Variants in MAP4K4 observed in about 807,000 individuals in gnomAD.
MAP4K4 encodes HPK/GCK-like kinase HGK.
In MAP4K4, 38 loss-of-function variants were observed where a neutral mutation model predicts 189.6. The ratio of observed to expected loss-of-function variants is 0.20; its 90% CI spans 0.15 to 0.26. The LOEUF (loss-of-function observed/expected upper bound fraction) is 0.26, where lower values mean the gene tolerates loss of function less well. Among genes scored for constraint, MAP4K4 ranks in the 10% least tolerant of loss-of-function variants. The pLI is 1.00. For synonymous variants in MAP4K4, 610 were observed against 624.3 expected, an observed-to-expected ratio of 0.98 and a Z score of 0.34; for missense variants, 1,054 against 1,726.9, an observed-to-expected ratio of 0.61 and a Z score of 6.91.
chr2:101,870,390 A>T (rs1333198693), exon 23 of MAP4K4: 5 of 1,613,610 alleles, frequency 3.1e-6, no homozygotes, highest in Non-Finnish European at 3.4e-6. Context: ...ACCCCATCCA[A>T]GGAGGGCACT....
intron 3 of MAP4K4, among the ~76,000 whole-genome samples, chr2:101,818,295 TC>T (rs2095841258): frequency 6.6e-6 from 1 of 152,224 alleles, no homozygotes; most frequent in African/African-American, 2.4e-5. Context: ...GCCGAAGTCT[TC>T]CAGAGATATT....
intron 32 of MAP4K4, 127 bp from the exon 33 acceptor site, chr2:101,891,039 A>G (rs2098558133): frequency 1.4e-6 from 1 of 724,154 alleles, no homozygotes; most frequent in Middle Eastern, 3.8e-4. Context: ...GTTTCTTTTG[A>G]AAAGGCTCTT....
chr2:101,762,801 C>G (rs1339839692), intron 2 of MAP4K4, among the ~76,000 whole-genome samples: 1 of 152,172 alleles, frequency 6.6e-6, no homozygotes, highest in Non-Finnish European at 1.5e-5. Flanking sequence ...CTTTTCAGTG[C>G]TTGGCTCTCC....
intron 2 of MAP4K4, among the ~76,000 whole-genome samples, chr2:101,746,085 G>A (rs1456093567): frequency 6.6e-6 from 1 of 151,428 alleles, no homozygotes; most frequent in East Asian, 1.9e-4. Context: ...TGAACTCCAG[G>A]GCTCAAGTGA....
At chr2:101,747,522 T>C (rs2066275629) in intron 2 of MAP4K4, among the ~76,000 whole-genome samples, 1 of 151,958 alleles carries the variant, frequency 6.6e-6, no homozygotes. Context: ...TTTTCAAGGG[T>C]GGAGTAATTA....
At chr2:101,782,334 A>G (rs1330972372) in intron 2 of MAP4K4, among the ~76,000 whole-genome samples, 1 of 152,222 alleles carries the variant, frequency 6.6e-6, no homozygotes, top group South Asian at 2.1e-4. Flanking sequence ...CAATTGAGGT[A>G]TAATTTTCTT....
chr2:101,824,620 T>C (rs2096271026), intron 4 of MAP4K4, among the ~76,000 whole-genome samples: 1 of 152,226 alleles, frequency 6.6e-6, no homozygotes, highest in African/African-American at 2.4e-5. Flanking sequence ...TTTAAACTTA[T>C]AAAGCAGGAA....
At chr2:101,717,194 T>G (rs2048871617) in intron 2 of MAP4K4, among the ~76,000 whole-genome samples, 1 of 152,202 alleles carries the variant, frequency 6.6e-6, no homozygotes, top group Non-Finnish European at 1.5e-5. Flanking sequence ...CCTGCTTTTC[T>G]TAGCTCAACA....
chr2:101,891,130 A>G lies in MAP4K4; in HGVS notation c.4072-36A>G, dbSNP rs777954829. ...CCCTGGCTGGAAGTGCTTCATGACCATGGTAACCATTCCCTCTCTTTTCTT... is the reference window on the plus strand; with the variant it reads ...CCCTGGCTGGAAGTGCTTCATGACCGTGGTAACCATTCCCTCTCTTTTCTT... On this transcript the variant is annotated intron_variant, in intron 32 of 32. Coordinates refer to ENST00000324219, the Ensembl canonical transcript of MAP4K4. 7 of 1,543,636 alleles carry G rather than the reference A, an allele frequency of 4.5e-6. No homozygotes were observed. The South Asian group carries it at 5.6e-5, about 12-fold the overall frequency.
At chr2:101,720,491 G>A (rs368978138) in intron 2 of MAP4K4, among the ~76,000 whole-genome samples, 3 of 152,182 alleles carry the variant, frequency 2.0e-5, no homozygotes, top group Admixed American at 6.5e-5. Flanking sequence ...CATCTCCCTC[G>A]TTTTTCCTGG....
intron 2 of MAP4K4, among the ~76,000 whole-genome samples, chr2:101,732,183 A>G (rs1245134580): frequency 6.6e-6 from 1 of 152,134 alleles, no homozygotes; most frequent in East Asian, 1.9e-4. Flanking sequence ...CTGGTGTGTA[A>G]TTTACCATGG....
intron 12 of MAP4K4, among the ~76,000 whole-genome samples, chr2:101,850,865 G>A (rs541468038): frequency 7.8e-4 from 119 of 152,110 alleles, no homozygotes; most frequent in South Asian, 4.3e-3. Context: ...GAAATGAATA[G>A]TTCTCCACTG....
At chr2:101,886,865 A>C (rs2150306113) in intron 29 of MAP4K4, among the ~76,000 whole-genome samples, 1 of 152,200 alleles carries the variant, frequency 6.6e-6, no homozygotes, top group East Asian at 1.9e-4. Flanking sequence ...CTCTACTAAA[A>C]ATACAAAAAA....
At chr2:101,886,986 CTGCACT>C (rs2098496251) in intron 29 of MAP4K4, 96 bp from the exon 30 acceptor site, 1 of 833,592 alleles carries the variant, frequency 1.2e-6, no homozygotes, top group Non-Finnish European at 1.8e-6. Flanking sequence ...GATGGCGCCA[CTGCACT>C]CCAGCCTGGG....
chr2:101,829,572 T>G (rs1257948403), exon 6 of MAP4K4: 1 of 1,610,556 alleles, frequency 6.2e-7, no homozygotes, highest in African/African-American at 1.3e-5. Flanking sequence ...TGTTGCTGAC[T>G]GAGAATGCAG....
At chr2:101,841,039 T>A (rs946240187) in intron 10 of MAP4K4, among the ~76,000 whole-genome samples, 1 of 152,212 alleles carries the variant, frequency 6.6e-6, no homozygotes, top group Non-Finnish European at 1.5e-5. Context: ...GCATATTGGA[T>A]CATTTTCCCA....
intron 3 of MAP4K4, among the ~76,000 whole-genome samples, chr2:101,805,581 T>C (rs11684513): frequency 0.75 from 114,638 of 152,144 alleles, 43,654 homozygotes; most frequent in African/African-American, 0.88. Flanking sequence ...TTTACCTAGT[T>C]TAGGAAATTC....
At chr2:101,811,385 A>AAAAAAAAAAG (rs1559031816) in intron 3 of MAP4K4, among the ~76,000 whole-genome samples, 8 of 141,044 alleles carry the variant, frequency 5.7e-5, no homozygotes, top group African/African-American at 2.2e-4. Flanking sequence ...AAAAAAAAAA[A>AAAAAAAAAAG]AAAAAAGAAT....
chr2:101,699,698 T>C (rs2037112607), intron 2 of MAP4K4, among the ~76,000 whole-genome samples: 1 of 152,166 alleles, frequency 6.6e-6, no homozygotes, highest in Non-Finnish European at 1.5e-5. Flanking sequence ...AGTTTATCTA[T>C]CACTTGAACG....
Sources: allele counts gnomAD v4.1 joint callset (sites outside exome capture counted in the v4.1 genomes callset), GRCh38; gene constraint gnomAD v4.1.1; transcripts MANE v1.5; gene names NCBI Gene and HGNC (gene_info 2026-07-23, HGNC 2026-07-21).